Variants in CDH18 observed in about 807,000 individuals in gnomAD.
CDH18 encodes the protein cadherin 18.
A neutral mutation model predicts 67.9 loss-of-function variants in CDH18; 31 were observed. The observed-to-expected ratio is 0.46, with a 90% CI of 0.34 to 0.62. The LOEUF (loss-of-function observed/expected upper bound fraction) is 0.62, where lower values mean the gene tolerates loss of function less well. Among genes scored for constraint, CDH18 ranks in the 20% least tolerant of loss-of-function variants. The pLI is 0.01. For missense variants in CDH18, 890 were observed against 975.5 expected (o/e 0.91, Z 1.17); for synonymous variants, 362 against 347.2 (o/e 1.04, Z -0.48).
chr5:20,076,650 T>C (rs1743967071), intron 2 of CDH18, among the ~76,000 whole-genome samples: 1 of 152,176 alleles, frequency 6.6e-6, no homozygotes, highest in South Asian at 2.1e-4. Flanking sequence ...TGTTGGGTTT[T>C]CTCAACTACG....
intron 1 of CDH18, among the ~76,000 whole-genome samples, chr5:20,289,294 A>T (rs1746929177): frequency 6.6e-6 from 1 of 152,046 alleles, no homozygotes; most frequent in Non-Finnish European, 1.5e-5. Context: ...TTGTTAGATA[A>T]TTATTAAATG....
At chr5:19,837,809 G>C (rs1426145739) in intron 3 of CDH18, among the ~76,000 whole-genome samples, 4 of 152,046 alleles carry the variant, frequency 2.6e-5, no homozygotes, top group African/African-American at 9.7e-5. Context: ...TCATCAATCG[G>C]GGGATAGAAG....
intron 1 of CDH18, among the ~76,000 whole-genome samples, chr5:20,540,732 A>AATAT (rs1757007608): frequency 1.3e-5 from 2 of 152,220 alleles, no homozygotes; most frequent in South Asian, 2.1e-4. Context: ...AATATTTAGG[A>AATAT]TCACCAGTAA....
chr5:20,215,423 T>G (rs961359829), intron 2 of CDH18, among the ~76,000 whole-genome samples: 5 of 147,222 alleles, frequency 3.4e-5, no homozygotes, highest in African/African-American at 1.0e-4. Context: ...TGTGAAGCTC[T>G]TCCATCCAAA....
chr5:20,533,455 G>C (rs1425765136), intron 1 of CDH18, among the ~76,000 whole-genome samples: 1 of 152,036 alleles, frequency 6.6e-6, no homozygotes, highest in Non-Finnish European at 1.5e-5. Flanking sequence ...TGCAAAATTA[G>C]TTTTTGACTC....
At chr5:20,093,999 G>T (rs187504797) in intron 2 of CDH18, among the ~76,000 whole-genome samples, 1 of 152,120 alleles carries the variant, frequency 6.6e-6, no homozygotes, top group Admixed American at 6.5e-5. Context: ...AGAAACCACC[G>T]AAAGGCAGAC....
Position 19,712,656 on chromosome 5 carries a change from TACAC to T in CDH18, c.643+8687_643+8690del, listed in dbSNP as rs57919224. On this transcript the variant is annotated intron_variant, in intron 5 of 12. Transcript: ENST00000382275. Reference sequence around the variant, plus strand: ...CTTAAAATTTATATATATATATATATACACACACACACACATATTTATATATATG... The same window carrying T: ...CTTAAAATTTATATATATATATATATACACACACACATATTTATATATATG... Among the ~76,000 whole-genome samples the T allele has an allele frequency of 1.5e-4, 19 of 122,638 alleles. No homozygotes were observed. The East Asian group carries it at 2.3e-3, about 15-fold the overall frequency. 80.5% of individuals were successfully genotyped at this position (122,638 alleles called of 152,430 possible). A position where few individuals can be genotyped will look rare whatever the true frequency, so the allele number is the denominator to read the frequency against.
At chr5:19,808,072 A>C (rs1778216829) in intron 3 of CDH18, among the ~76,000 whole-genome samples, 1 of 152,170 alleles carries the variant, frequency 6.6e-6, no homozygotes, top group African/African-American at 2.4e-5. Context: ...CAAACAATAG[A>C]AAACAAGGAA....
intron 3 of CDH18, among the ~76,000 whole-genome samples, chr5:19,776,710 T>A (rs1310773085): frequency 6.6e-6 from 1 of 152,178 alleles, no homozygotes; most frequent in East Asian, 1.9e-4. Flanking sequence ...TTATACACAT[T>A]TTTTTAGTTG....
At chr5:19,797,884 G>A (rs1442917054) in intron 3 of CDH18, among the ~76,000 whole-genome samples, 1 of 151,998 alleles carries the variant, frequency 6.6e-6, no homozygotes. Context: ...CACTCTTGAT[G>A]AGGAAGAAAA....
intron 1 of CDH18, among the ~76,000 whole-genome samples, chr5:20,439,807 C>A (rs1314214162): frequency 6.6e-6 from 1 of 151,614 alleles, no homozygotes; most frequent in Non-Finnish European, 1.5e-5. Context: ...GAAGACTTGT[C>A]ATAGTATGTT....
At chr5:19,520,350 G>C (rs981266100) in intron 10 of CDH18, among the ~76,000 whole-genome samples, 8 of 152,064 alleles carry the variant, frequency 5.3e-5, no homozygotes, top group Admixed American at 2.0e-4. Context: ...AGAGAGAAAC[G>C]TTTGCTATTT....
chr5:20,078,620 A>C lies in CDH18; in HGVS notation c.-517-86606T>G, dbSNP rs187127679. Among the ~76,000 whole-genome samples, 1,392 of 152,060 alleles carry C rather than the reference A, an allele frequency of 9.2e-3. 25 individuals are homozygous for C. The highest frequency in any genetic ancestry group is 0.032 in the African/African-American group (1,315 of 41,486). On this transcript the variant is annotated intron_variant, in intron 2 of 14. Transcript: ENST00000507958. ...TATAATTTTATTTATTTATTTATTG[A>C]GACAGAGTCTCACCCTGTCACCCAG... is the stretch of plus-strand genomic sequence containing the variant.
intron 5 of CDH18, among the ~76,000 whole-genome samples, chr5:19,700,856 ACTAT>A (rs1763147730): frequency 6.6e-6 from 1 of 152,156 alleles, no homozygotes; most frequent in African/African-American, 2.4e-5. Flanking sequence ...CTCTTTAGTT[ACTAT>A]CTGATTCAGA....
At chr5:20,191,927 G>T (rs6859475) in intron 2 of CDH18, among the ~76,000 whole-genome samples, 105,811 of 151,822 alleles carry the variant, frequency 0.7, 37,503 homozygotes, top group African/African-American at 0.84. Flanking sequence ...CCTTGAGGAG[G>T]TGTCATATTG....
In CDH18 at chr5:20,109,652, T is replaced by C. The variant is rs144159465; in HGVS notation, c.-517-117638A>G. ...TTTATGGTTTTTGAAGTATGGAATG[T>C]ATAGCCTTTTTCCTTTTCTTGGTGC... On this transcript the variant is annotated intron_variant, in intron 2 of 14. Transcript: ENST00000507958. Among the ~76,000 whole-genome samples, 810 of 152,326 alleles carry C rather than the reference T, an allele frequency of 5.3e-3. 8 individuals are homozygous for C. Among genetic ancestry groups the C allele is most frequent in the African/African-American group, 0.018 (750 of 41,572 alleles).
chr5:19,604,444 T>A (rs916781164), intron 6 of CDH18, among the ~76,000 whole-genome samples: 3 of 152,006 alleles, frequency 2.0e-5, no homozygotes, highest in Non-Finnish European at 2.9e-5. Context: ...TCTTTCCTGA[T>A]AAAATTAACC....
intron 1 of CDH18, among the ~76,000 whole-genome samples, chr5:20,438,965 AT>A (rs1749389718): frequency 6.6e-6 from 1 of 151,554 alleles, no homozygotes; most frequent in Non-Finnish European, 1.5e-5. Flanking sequence ...TTTTTAAAAA[AT>A]AATTTATTCT....
chr5:20,412,318 G>A (rs912163847), intron 1 of CDH18, among the ~76,000 whole-genome samples: 6 of 152,262 alleles, frequency 3.9e-5, no homozygotes, highest in Non-Finnish European at 5.9e-5. Context: ...ATAGCCATAA[G>A]CAGTGAAATA....
Sources: allele counts gnomAD v4.1 joint callset (sites outside exome capture counted in the v4.1 genomes callset), GRCh38; gene constraint gnomAD v4.1.1; transcripts MANE v1.5; gene names NCBI Gene and HGNC (gene_info 2026-07-23, HGNC 2026-07-21).